Variants in MAPKAP1 observed in about 807,000 individuals in gnomAD.
The protein encoded by MAPKAP1 is target of rapamycin complex 2 subunit MAPKAP1.
A neutral mutation model predicts 65.7 loss-of-function variants in MAPKAP1; 20 were observed. That is an observed-to-expected ratio of 0.30 (90% CI 0.21 to 0.44). MAPKAP1 has a LOEUF of 0.44. MAPKAP1 is among the 20% of genes least tolerant of loss of function. MAPKAP1 has a pLI of 1.00. For missense variants in MAPKAP1, 423 were observed against 648.0 expected (o/e 0.65, Z 3.77); for synonymous variants, 222 against 244.3 (o/e 0.91, Z 0.85).
At chr9:125,689,075 A>G (rs1429888249) in intron 1 of MAPKAP1, among the ~76,000 whole-genome samples, 1 of 152,208 alleles carries the variant, frequency 6.6e-6, no homozygotes, top group Admixed American at 6.5e-5. Flanking sequence ...GTGCTAAGTC[A>G]TAGTCCCTAT....
At chr9:125,511,695 T>C (rs1829305738) in intron 7 of MAPKAP1, among the ~76,000 whole-genome samples, 1 of 152,234 alleles carries the variant, frequency 6.6e-6, no homozygotes, top group Admixed American at 6.5e-5. Context: ...ATATACTTTT[T>C]GCCAAAGAAA....
chr9:125,580,307 C>A (rs1264967500), intron 5 of MAPKAP1, among the ~76,000 whole-genome samples: 25 of 152,126 alleles, frequency 1.6e-4, no homozygotes, highest in Admixed American at 1.6e-3. Flanking sequence ...CAATGATAGA[C>A]TGGATTAAGA....
intron 10 of MAPKAP1, among the ~76,000 whole-genome samples, chr9:125,459,013 T>A: frequency 9.7e-6 from 1 of 102,982 alleles, no homozygotes; most frequent in African/African-American, 4.1e-5. Flanking sequence ...TCCTCACTTC[T>A]CAGACGGGGC....
intron 10 of MAPKAP1, among the ~76,000 whole-genome samples, chr9:125,462,993 A>T (rs1853553350): frequency 6.6e-6 from 1 of 152,218 alleles, no homozygotes; most frequent in Admixed American, 6.5e-5. Flanking sequence ...AGGTCACAGG[A>T]TAAAGAAAAA....
chr9:125,653,245 C>T (rs1375937255), intron 4 of MAPKAP1, among the ~76,000 whole-genome samples: 2 of 152,124 alleles, frequency 1.3e-5, no homozygotes, highest in African/African-American at 4.8e-5. Flanking sequence ...TAACAAAAGA[C>T]AAGCACACAA....
chr9:125,512,263 T>G (rs909745879), intron 7 of MAPKAP1, among the ~76,000 whole-genome samples: 1 of 152,234 alleles, frequency 6.6e-6, no homozygotes, highest in South Asian at 2.1e-4. Flanking sequence ...GTCGCCTCCA[T>G]TGCTCTGTGT....
At chr9:125,674,297 G>A (rs938656928) in intron 1 of MAPKAP1, among the ~76,000 whole-genome samples, 2 of 152,084 alleles carry the variant, frequency 1.3e-5, no homozygotes, top group African/African-American at 4.8e-5. Flanking sequence ...TAATTTCAAT[G>A]ATCAATTCTT....
At chr9:125,693,699 GTA>G (rs748417754) in intron 1 of MAPKAP1, among the ~76,000 whole-genome samples, 6 of 61,020 alleles carry the variant, frequency 9.8e-5, no homozygotes, top group South Asian at 4.3e-4. Context: ...ATATATACAC[GTA>G]TATATACACA....
chr9:125,459,059 G>A lies in MAPKAP1; in HGVS notation c.1345+8913C>T, dbSNP rs1480051523. ...CGGAGGGGCTCCTCACTTCTCAGAC[G>A]GGGCGGTTGCCAGGCAGAGGGTCTC... On this transcript the variant is annotated intron_variant, in intron 10 of 11. Coordinates refer to ENST00000265960, the MANE Select transcript of MAPKAP1 (RefSeq NM_001006617.3). Among the ~76,000 whole-genome samples, 25 of 134,018 alleles carry A rather than the reference G, an allele frequency of 1.9e-4. No homozygotes were observed. In the South Asian group the frequency reaches 5.9e-3, roughly 32 times the overall value. The allele number at this position is 134,018 out of a possible 152,430, so 87.9% of individuals were successfully genotyped here.
intron 4 of MAPKAP1, among the ~76,000 whole-genome samples, chr9:125,614,968 A>T (rs1016793099): frequency 3.9e-5 from 6 of 152,212 alleles, no homozygotes; most frequent in Non-Finnish European, 8.8e-5. Flanking sequence ...GATTAGAAAT[A>T]AAACTATCAT....
chr9:125,499,918 T>C (rs1195450998), intron 8 of MAPKAP1, among the ~76,000 whole-genome samples: 1 of 151,820 alleles, frequency 6.6e-6, no homozygotes, highest in Non-Finnish European at 1.5e-5. Flanking sequence ...GCCAGGGAGG[T>C]CAAGGCTGCA....
intron 5 of MAPKAP1, among the ~76,000 whole-genome samples, chr9:125,565,088 A>T (rs1322794844): frequency 6.6e-6 from 1 of 152,232 alleles, no homozygotes; most frequent in Non-Finnish European, 1.5e-5. Context: ...ACAGGGCAGA[A>T]TATATATGAT....
intron 3 of MAPKAP1, among the ~76,000 whole-genome samples, chr9:125,659,887 G>A (rs902156500): frequency 1.3e-5 from 2 of 152,084 alleles, no homozygotes; most frequent in East Asian, 1.9e-4. Flanking sequence ...CTCCACCAAA[G>A]CAGCTTTTAT....
At chr9:125,522,482 T>C (rs1216093388) in intron 7 of MAPKAP1, among the ~76,000 whole-genome samples, 1 of 152,246 alleles carries the variant, frequency 6.6e-6, no homozygotes, top group African/African-American at 2.4e-5. Flanking sequence ...CTTGGCATAG[T>C]GAACACGGCA....
At chr9:125,580,691 AAAAG>A (rs1831596280) in intron 5 of MAPKAP1, among the ~76,000 whole-genome samples, 1 of 152,202 alleles carries the variant, frequency 6.6e-6, no homozygotes, top group African/African-American at 2.4e-5. Flanking sequence ...ATAAAAAAAA[AAAAG>A]ACTATAGACA....
intron 4 of MAPKAP1, among the ~76,000 whole-genome samples, chr9:125,634,684 C>T (rs984873954): frequency 2.0e-5 from 3 of 152,182 alleles, no homozygotes; most frequent in Non-Finnish European, 2.9e-5. Flanking sequence ...TTAAATTTCT[C>T]CTTGGCATAT....
chr9:125,533,652 C>T (rs928660043), intron 7 of MAPKAP1, among the ~76,000 whole-genome samples: 7 of 152,028 alleles, frequency 4.6e-5, no homozygotes, highest in African/African-American at 1.5e-4. Context: ...GGTTTTGCCA[C>T]GTTGGCCAGG....
chr9:125,655,751 TAA>T (rs1834016255), intron 4 of MAPKAP1, among the ~76,000 whole-genome samples: 1 of 152,210 alleles, frequency 6.6e-6, no homozygotes, highest in Non-Finnish European at 1.5e-5. Flanking sequence ...TAGCATCACA[TAA>T]GATAGACTTA....
intron 7 of MAPKAP1, among the ~76,000 whole-genome samples, chr9:125,541,877 G>C (rs146382639): frequency 6.6e-6 from 1 of 152,352 alleles, no homozygotes; most frequent in African/African-American, 2.4e-5. Flanking sequence ...TCTGCGGCCA[G>C]TGATGGGCAT....
Sources: gnomAD v4.1 joint callset for allele counts (sites outside exome capture counted in the v4.1 genomes callset) on GRCh38, gnomAD v4.1.1 for gene constraint, MANE v1.5 for transcripts, NCBI Gene and HGNC (gene_info 2026-07-23, HGNC 2026-07-21) for gene names.